Variants in SASH1 observed in about 807,000 individuals in gnomAD.
SASH1 encodes SAM and SH3 domain-containing protein 1.
Under a neutral mutation model 125.2 loss-of-function variants are expected in SASH1, and 44 were observed. The observed-to-expected ratio is 0.35, with a 90% CI of 0.28 to 0.45. SASH1 has a LOEUF of 0.45. Ranked by LOEUF, SASH1 falls within the 20% of genes least tolerant of loss-of-function variation. The pLI is 1.00. For missense variants in SASH1, 1,426 were observed against 1,614.5 expected (o/e 0.88, Z 2.00); for synonymous variants, 639 against 649.1 (o/e 0.98, Z 0.24).
chr6:148,355,883 T>G (rs1219568190), intron 1 of SASH1, among the ~76,000 whole-genome samples: 2 of 152,172 alleles, frequency 1.3e-5, no homozygotes, highest in Non-Finnish European at 2.9e-5. Flanking sequence ...TTAAAAAAAT[T>G]TCAATAGTTT....
chr6:148,226,507 A>G, the SASH1 span, among the ~76,000 whole-genome samples: 1 of 152,210 alleles, frequency 6.6e-6, no homozygotes, highest in African/African-American at 2.4e-5. Flanking sequence ...GGCTGCTGGT[A>G]ATAGAAAACT....
chr6:148,325,866 T>C (rs1582967445), intron 1 of SASH1, among the ~76,000 whole-genome samples: 2 of 152,092 alleles, frequency 1.3e-5, no homozygotes, highest in African/African-American at 4.8e-5. Context: ...GATGCCATGG[T>C]AACCTCTTGC....
At chr6:148,429,359 G>C (rs1361303303) in intron 2 of SASH1, among the ~76,000 whole-genome samples, 1 of 136,356 alleles carries the variant, frequency 7.3e-6, no homozygotes, top group African/African-American at 2.7e-5. Context: ...ACCTAGGCCT[G>C]GGTGACAGAG....
At chr6:148,528,468 C>T (rs1300691157) in intron 12 of SASH1, among the ~76,000 whole-genome samples, 1 of 152,224 alleles carries the variant, frequency 6.6e-6, no homozygotes, top group Non-Finnish European at 1.5e-5. Context: ...CTGGTGGGCA[C>T]AGTGAGCTAA....
intron 1 of SASH1, among the ~76,000 whole-genome samples, chr6:148,314,424 C>G (rs1226843887): frequency 2.6e-5 from 4 of 152,142 alleles, no homozygotes; most frequent in African/African-American, 9.7e-5. Context: ...TTGAAGAAAA[C>G]AAATCCCAAT....
intron 1 of SASH1, among the ~76,000 whole-genome samples, chr6:148,309,476 A>C (rs1020689551): frequency 6.6e-6 from 1 of 152,088 alleles, no homozygotes; most frequent in Admixed American, 6.6e-5. Flanking sequence ...ACCTCCACCC[A>C]TATCCACCCA....
intron 2 of SASH1, among the ~76,000 whole-genome samples, chr6:148,408,140 CTTTTTTT>C (rs35856337): frequency 8.4e-6 from 1 of 119,240 alleles, no homozygotes. Context: ...GGCATCTTTC[CTTTTTTT>C]TTTTTTTTTT....
the SASH1 span, among the ~76,000 whole-genome samples, chr6:148,241,543 A>T: frequency 6.6e-6 from 1 of 152,228 alleles, no homozygotes; most frequent in Non-Finnish European, 1.5e-5. Flanking sequence ...ATTCATAGCA[A>T]TATGCCCATT....
intron 1 of SASH1, among the ~76,000 whole-genome samples, chr6:148,301,326 CAA>C (rs746767710): frequency 0.71 from 70,059 of 99,104 alleles, 22,959 homozygotes; most frequent in South Asian, 0.72. Flanking sequence ...AACTCCATCT[CAA>C]AAAAAAAAAA....
At chr6:148,341,682 C>T (rs1781332143), upstream of SASH1, among the ~76,000 whole-genome samples, 1 of 151,332 alleles carries the variant, frequency 6.6e-6, no homozygotes, top group Non-Finnish European at 1.5e-5. Context: ...CAAAACAAAA[C>T]AAACAAACAA....
chr6:148,468,397 G>T lies in SASH1; in HGVS notation c.387-148G>T, dbSNP rs1476150240. On this transcript the variant is annotated intron_variant, in intron 4 of 19. Coordinates refer to ENST00000367467, the MANE Select transcript of SASH1 (RefSeq NM_015278.5). ...TCTATTTCTAGGAAGTCAGCAGATG[G>T]GTAGAAAAAGCCAGTGGTAAATAGC... 7 of 611,780 alleles carry T rather than the reference G, an allele frequency of 1.1e-5. No homozygotes were observed. In the East Asian group the frequency reaches 2.0e-4, roughly 17 times the overall value. The allele number at this position is 611,780 out of a possible 1,614,324, so 37.9% of individuals were successfully genotyped here. A position where few individuals can be genotyped will look rare whatever the true frequency, so the allele number is the denominator to read the frequency against.
At chr6:148,457,907 AACTC>A (rs1409874090) in intron 4 of SASH1, among the ~76,000 whole-genome samples, 1 of 152,194 alleles carries the variant, frequency 6.6e-6, no homozygotes, top group Non-Finnish European at 1.5e-5. Flanking sequence ...CTCTCATGAG[AACTC>A]ACTCACTATC....
In SASH1 at chr6:148,546,113, G is replaced by T. The variant is rs1394610117; in HGVS notation, c.3447G>T (p.Arg1149=). The change falls in exon 19 of 20, where the codon CGG becomes CGT. Residue 1149 remains arginine, a synonymous_variant. Coordinates refer to ENST00000367467, the MANE Select transcript of SASH1 (RefSeq NM_015278.5). ...RDVAANMDQI[R]VKQLRKQHRM... ...TCGCCGCCAACATGGACCAGATCCG[G>T]GTGAAGCAGCTTCGGAAGCAGCACC... 1 of 1,614,102 alleles carries T rather than the reference G, an allele frequency of 6.2e-7. No individual in the cohort carries two copies. Among genetic ancestry groups the T allele is most frequent in the Non-Finnish European group, 8.5e-7 (1 of 1,180,044 alleles).
At chr6:148,293,000 C>T (rs1672712108) in intron 1 of SASH1, among the ~76,000 whole-genome samples, 2 of 151,490 alleles carry the variant, frequency 1.3e-5, no homozygotes, top group South Asian at 2.1e-4. Flanking sequence ...TGCAATGAGT[C>T]GAGATCGCAC....
rs1385441259 is a variant in SASH1, at chr6:148,387,632, C to G, written c.157-2502C>G. ...TCTTTCTTTCTTTCTTTCTTTCTTTCTTTCTTTCTTTCTTTCTTTCTTTCT... is the reference window on the plus strand; with the variant it reads ...TCTTTCTTTCTTTCTTTCTTTCTTTGTTTCTTTCTTTCTTTCTTTCTTTCT... On this transcript the variant is annotated intron_variant, in intron 1 of 19. Transcript: ENST00000367467. 5.4e-5 allele frequency among the ~76,000 whole-genome samples: 2 copies of G among 37,238 alleles called. 1 individual carries two copies. The highest frequency in any genetic ancestry group is 1.2e-4 in the Non-Finnish European group (2 of 16,642). The allele number at this position is 37,238 out of a possible 152,430, so 24.4% of individuals were successfully genotyped here.
the SASH1 span, among the ~76,000 whole-genome samples, chr6:148,214,030 C>T: frequency 6.6e-6 from 1 of 152,138 alleles, no homozygotes; most frequent in Non-Finnish European, 1.5e-5. Flanking sequence ...TTAGCCAACA[C>T]AGAAAACAGC....
intron 7 of SASH1, among the ~76,000 whole-genome samples, chr6:148,475,424 T>A (rs1443167980): frequency 6.6e-6 from 1 of 152,188 alleles, no homozygotes; most frequent in Non-Finnish European, 1.5e-5. Context: ...TGACACCTTG[T>A]ACACCACATG....
At chr6:148,293,219 TG>T (rs1377000962) in intron 1 of SASH1, among the ~76,000 whole-genome samples, 1 of 152,168 alleles carries the variant, frequency 6.6e-6, no homozygotes, top group Non-Finnish European at 1.5e-5. Flanking sequence ...TCAGTGCTGC[TG>T]GGAATGCCCC....
intron 4 of SASH1, among the ~76,000 whole-genome samples, chr6:148,467,539 G>A (rs1413321763): frequency 6.6e-6 from 1 of 152,166 alleles, no homozygotes; most frequent in East Asian, 1.9e-4. Flanking sequence ...GTTGGGGTGG[G>A]AGGCAAATTC....
Sources: gnomAD v4.1 joint callset for allele counts (sites outside exome capture counted in the v4.1 genomes callset) on GRCh38, gnomAD v4.1.1 for gene constraint, MANE v1.5 for transcripts, NCBI Gene and HGNC (gene_info 2026-07-23, HGNC 2026-07-21) for gene names.